The following EPSTI1 variants were observed in gnomAD, a reference collection of about 807,000 sequenced individuals.
EPSTI1 encodes epithelial-stromal interaction protein 1.
EPSTI1 carries 66 observed loss-of-function variants against 49.9 expected under a neutral mutation model. The observed-to-expected ratio is 1.32, with a 90% CI of 1.08 to 1.62. The LOEUF (loss-of-function observed/expected upper bound fraction) is 1.62. Among genes scored for constraint, EPSTI1 ranks in the 40% most tolerant of loss-of-function variants. EPSTI1 has a pLI of 0.00. For missense variants in EPSTI1, 394 were observed against 365.5 expected (o/e 1.08, Z -0.64); for synonymous variants, 137 against 130.7 (o/e 1.05, Z -0.33).
chr13:42,989,646 T>C (rs2153437418), intron 1 of EPSTI1, among the ~76,000 whole-genome samples: 1 of 139,442 alleles, frequency 7.2e-6, no homozygotes, highest in Admixed American at 8.0e-5. Context: ...CAGGCTGGAG[T>C]GTAGTGGCGC....
intron 8 of EPSTI1, among the ~76,000 whole-genome samples, chr13:42,901,134 A>C (rs1015427476): frequency 3.9e-5 from 6 of 151,930 alleles, no homozygotes; most frequent in African/African-American, 7.3e-5. Flanking sequence ...TTTCAAAGAC[A>C]AAAAAAATGC....
At chr13:42,973,237 T>C (rs1389537990) in intron 1 of EPSTI1, among the ~76,000 whole-genome samples, 1 of 152,204 alleles carries the variant, frequency 6.6e-6, no homozygotes, top group Non-Finnish European at 1.5e-5. Context: ...ATCTTAAGAA[T>C]AGGACTTCAG....
At chr13:42,894,680 A>G (rs1293108586) in intron 10 of EPSTI1, among the ~76,000 whole-genome samples, 17 of 94,302 alleles carry the variant, frequency 1.8e-4, no homozygotes, top group Non-Finnish European at 3.4e-4. Context: ...TTTCTGAAAA[A>G]AAAAAAAAAA....
At chr13:42,893,173 A>G (rs926881964) in intron 10 of EPSTI1, among the ~76,000 whole-genome samples, 1 of 152,212 alleles carries the variant, frequency 6.6e-6, no homozygotes, top group African/African-American at 2.4e-5. Context: ...ACTCTGAAGG[A>G]GGACAGAGAA....
rs764433074 is a variant in EPSTI1 at position 42,917,640 on chromosome 13, G to GATA, written c.658-17_658-16insTAT. ...AGCTTCTGGCCTGTAAAGGTACAAA[G>GATA]AGAAAAAAAAAAAAAAAAACAACTT... is the stretch of plus-strand genomic sequence containing the variant. On this transcript the variant is annotated splice_polypyrimidine_tract_variant and intron_variant, in intron 7 of 10. Coordinates refer to ENST00000313624, the MANE Select transcript of EPSTI1 (RefSeq NM_033255.5). 3.3e-3 allele frequency: 491 copies of GATA among 149,084 alleles called. No homozygotes were observed. Among genetic ancestry groups the GATA allele is most frequent in the Middle Eastern group, 5.4e-3 (3 of 556 alleles). 9.2% of individuals were successfully genotyped at this position (149,084 alleles called of 1,614,324 possible).
intron 5 of EPSTI1, 89 bp from the exon 6 acceptor site, chr13:42,954,110 G>A: frequency 1.9e-6 from 2 of 1,069,264 alleles, no homozygotes; most frequent in Non-Finnish European, 2.7e-6. Flanking sequence ...AAAATCCTAA[G>A]GTTCAACTGG....
intron 9 of EPSTI1, among the ~76,000 whole-genome samples, chr13:42,897,638 T>C (rs2037232663): frequency 1.3e-5 from 2 of 152,224 alleles, no homozygotes; most frequent in Admixed American, 1.3e-4. Flanking sequence ...TGATGCCTTG[T>C]CATGAAGACA....
chr13:42,936,602 C>T (rs2038573576), intron 6 of EPSTI1, among the ~76,000 whole-genome samples: 1 of 152,182 alleles, frequency 6.6e-6, no homozygotes, highest in Non-Finnish European at 1.5e-5. Flanking sequence ...TGATAGAGCT[C>T]CTCTGTATTT....
At chr13:42,917,120 A>C (rs1401877201) in intron 8 of EPSTI1, among the ~76,000 whole-genome samples, 2 of 152,206 alleles carry the variant, frequency 1.3e-5, no homozygotes, top group Non-Finnish European at 2.9e-5. Context: ...AACTATTTTT[A>C]GTGAACATTT....
chr13:42,951,979 T>C (rs995539185), intron 6 of EPSTI1, among the ~76,000 whole-genome samples: 10 of 152,238 alleles, frequency 6.6e-5, no homozygotes, highest in East Asian at 1.9e-4. Context: ...GTAGCTAGGA[T>C]TGTAAAACGC....
At chr13:42,889,276 A>G (rs764833741) in intron 10 of EPSTI1, 121 of 1,273,454 alleles carry the variant, frequency 9.5e-5, no homozygotes, top group Non-Finnish European at 1.2e-4. Context: ...TTTTACATAT[A>G]AAAGCAATTA....
chr13:42,978,722 C>A (rs1203412187), intron 1 of EPSTI1, among the ~76,000 whole-genome samples: 1 of 148,446 alleles, frequency 6.7e-6, no homozygotes, highest in Admixed American at 6.6e-5. Context: ...GCCATAGATA[C>A]TTACTTAAGA....
chr13:42,896,429 C>T (rs2037191034), intron 9 of EPSTI1, among the ~76,000 whole-genome samples: 2 of 152,192 alleles, frequency 1.3e-5, no homozygotes, highest in African/African-American at 4.8e-5. Flanking sequence ...ATGCCTGGAG[C>T]TGTTCTTATC....
In EPSTI1 at chr13:42,991,554, G is replaced by T. The variant is rs555913962; in HGVS notation, c.188+424C>A. Among the ~76,000 whole-genome samples the T allele has an allele frequency of 5.3e-5, 8 of 152,294 alleles. No homozygotes were observed. The East Asian group carries it at 1.5e-3, about 29-fold the overall frequency. On this transcript the variant is annotated intron_variant, in intron 1 of 10. Coordinates refer to ENST00000313624, the MANE Select transcript of EPSTI1 (RefSeq NM_033255.5). ...CCTGCCTTGGCCTCCCAAAGTGCTG[G>T]GATAACAGGCTTGAGCCAACGCGCC...
intron 1 of EPSTI1, among the ~76,000 whole-genome samples, chr13:42,973,908 G>T (rs886970792): frequency 1.3e-5 from 2 of 152,234 alleles, no homozygotes; most frequent in Admixed American, 1.3e-4. Context: ...TTTAATGAAA[G>T]ATCTCAATTT....
At chr13:42,893,556 C>A (rs574227384) in intron 10 of EPSTI1, among the ~76,000 whole-genome samples, 4 of 152,332 alleles carry the variant, frequency 2.6e-5, no homozygotes, top group African/African-American at 9.6e-5. Context: ...ATGCTCCTCT[C>A]TTTGATCTGT....
chr13:42,967,603 C>T (rs529584296), intron 3 of EPSTI1, among the ~76,000 whole-genome samples: 11 of 152,238 alleles, frequency 7.2e-5, no homozygotes, highest in African/African-American at 2.6e-4. Flanking sequence ...CAATGGAACC[C>T]TAAAAGGAGT....
At chr13:42,901,420 C>G (rs1160953472) in intron 8 of EPSTI1, among the ~76,000 whole-genome samples, 2 of 152,194 alleles carry the variant, frequency 1.3e-5, no homozygotes, top group African/African-American at 2.4e-5. Flanking sequence ...CATTGCTCAT[C>G]AATCCCTAAA....
In EPSTI1 at chr13:42,922,329, A is replaced by G. The variant is rs1049625945; in HGVS notation, c.657+4007T>C. ...GACTTTGCAGAAATTAAGGATCTGG[A>G]AGTGGAGAGATTAGCCTGGATAGTC... On this transcript the variant is annotated intron_variant, in intron 7 of 10. Transcript: ENST00000313624. This position sits in a 1 kb window ranked among gnomAD's most constrained non-coding sequence, Gnocchi z 4.8. Among the ~76,000 whole-genome samples, 15 of 152,248 alleles carry G rather than the reference A, an allele frequency of 9.9e-5. No homozygotes were observed. The highest frequency in any genetic ancestry group is 3.6e-4 in the African/African-American group (15 of 41,520).
Sources: allele counts gnomAD v4.1 joint callset (sites outside exome capture counted in the v4.1 genomes callset), GRCh38; gene constraint gnomAD v4.1.1; non-coding constraint Gnocchi (gnomAD v3.1); transcripts MANE v1.5; gene names NCBI Gene and HGNC (gene_info 2026-07-23, HGNC 2026-07-21).